The following BACH2 variants were observed in gnomAD, a reference collection of about 807,000 sequenced individuals.
The protein encoded by BACH2 is transcription regulator protein BACH2.
In BACH2, 5 loss-of-function variants were observed where a neutral mutation model predicts 61.8. The observed-to-expected ratio is 0.08, with a 90% CI of 0.04 to 0.17. The LOEUF is 0.17. Among genes scored for constraint, BACH2 ranks in the 10% least tolerant of loss-of-function variants. The pLI is 1.00. For missense variants in BACH2, 824 were observed against 1,091.1 expected (o/e 0.76, Z 3.45); for synonymous variants, 446 against 440.1 (o/e 1.01, Z -0.17).
At chr6:89,947,922 A>G (rs1025455573) in intron 7 of BACH2, among the ~76,000 whole-genome samples, 1 of 152,102 alleles carries the variant, frequency 6.6e-6, no homozygotes, top group Non-Finnish European at 1.5e-5. Flanking sequence ...AAGTAGCGGT[A>G]TTTCTCAAGG....
At chr6:90,188,731 C>T (rs1404392909) in intron 4 of BACH2, among the ~76,000 whole-genome samples, 1 of 128,544 alleles carries the variant, frequency 7.8e-6, no homozygotes, top group Non-Finnish European at 1.6e-5. Flanking sequence ...TACTACCAAT[C>T]TAGTAATAAG....
At chr6:89,957,319 A>G (rs1459287744) in intron 6 of BACH2, among the ~76,000 whole-genome samples, 1 of 152,252 alleles carries the variant, frequency 6.6e-6, no homozygotes, top group African/African-American at 2.4e-5. Context: ...GCAGCATGCT[A>G]GACATTTAGA....
At chr6:90,193,330 G>T (rs1199742347) in intron 4 of BACH2, among the ~76,000 whole-genome samples, 1 of 152,082 alleles carries the variant, frequency 6.6e-6, no homozygotes, top group Admixed American at 6.5e-5. Context: ...CAATATGACT[G>T]GTGTCCTTAT....
chr6:90,244,580 C>T (rs559565577), intron 3 of BACH2, among the ~76,000 whole-genome samples: 1 of 152,322 alleles, frequency 6.6e-6, no homozygotes, highest in East Asian at 1.9e-4. Flanking sequence ...TATTGCTCAC[C>T]TGACAGCAAC....
intron 3 of BACH2, among the ~76,000 whole-genome samples, chr6:90,229,198 C>G (rs983105919): frequency 2.0e-5 from 3 of 152,214 alleles, no homozygotes; most frequent in African/African-American, 7.2e-5. Flanking sequence ...GTGGCTCACG[C>G]CTGTAATCCT....
chr6:89,964,207 T>TAAAAAA (rs61668401), intron 6 of BACH2, among the ~76,000 whole-genome samples: 1 of 113,930 alleles, frequency 8.8e-6, no homozygotes. Flanking sequence ...AAAGTATAAT[T>TAAAAAA]AAAAAAAAAA....
At chr6:90,066,975 G>A (rs548652329) in intron 5 of BACH2, among the ~76,000 whole-genome samples, 5 of 152,342 alleles carry the variant, frequency 3.3e-5, no homozygotes, top group Middle Eastern at 3.4e-3. Context: ...TAGAAAGGAT[G>A]GGTGACGTGC....
At chr6:89,944,012 T>C (rs907615267) in intron 7 of BACH2, among the ~76,000 whole-genome samples, 4 of 152,242 alleles carry the variant, frequency 2.6e-5, no homozygotes, top group African/African-American at 9.6e-5. Flanking sequence ...GCTGGGCAGA[T>C]GGCAATGACA....
At chr6:90,012,045 C>T (rs150129305) in intron 5 of BACH2, among the ~76,000 whole-genome samples, 1,711 of 151,740 alleles carry the variant, frequency 0.011, 25 homozygotes, top group Middle Eastern at 0.031. Context: ...ATCCTCCTAC[C>T]TCAGCCTCCT....
intron 4 of BACH2, among the ~76,000 whole-genome samples, chr6:90,145,957 A>G (rs1341852630): frequency 6.6e-6 from 1 of 152,232 alleles, no homozygotes; most frequent in Non-Finnish European, 1.5e-5. Context: ...ACCACACTTT[A>G]TATTTTCAAC....
rs1770844038 is a variant in BACH2 at position 90,252,503 on chromosome 6, T to C, written c.-275+10A>G. The stretch of plus-strand genomic sequence containing the variant: ...TTTTTTTAGTCTCTTTCCTTAAAAG[T>C]AAAACTTACAATGATCAGAAAGCAT... On this transcript the variant is annotated intron_variant, in intron 3 of 8. Coordinates refer to ENST00000257749, the MANE Select transcript of BACH2 (RefSeq NM_021813.4). 1 of 152,208 alleles carries C rather than the reference T, an allele frequency of 6.6e-6. No individual in the cohort carries two copies. The highest frequency in any genetic ancestry group is 1.9e-4 in the East Asian group (1 of 5,196). 9.4% of individuals were successfully genotyped at this position (152,208 alleles called of 1,614,324 possible).
intron 3 of BACH2, among the ~76,000 whole-genome samples, chr6:90,220,564 C>A (rs1769704759): frequency 6.6e-6 from 1 of 152,158 alleles, no homozygotes; most frequent in Non-Finnish European, 1.5e-5. Context: ...GTCCTCATTT[C>A]CATGATCTGA....
intron 1 of BACH2, among the ~76,000 whole-genome samples, chr6:90,284,150 C>A (rs1771945022): frequency 6.6e-6 from 1 of 152,188 alleles, no homozygotes; most frequent in African/African-American, 2.4e-5. Context: ...GATAAGACCA[C>A]TGTGATACGA....
chr6:90,161,849 G>T (rs1378287529), intron 4 of BACH2, among the ~76,000 whole-genome samples: 1 of 152,208 alleles, frequency 6.6e-6, no homozygotes, highest in East Asian at 1.9e-4. Flanking sequence ...CATTCAAATA[G>T]ACAATGGTAC....
chr6:90,130,639 C>T (rs1784046570), intron 4 of BACH2, among the ~76,000 whole-genome samples: 1 of 152,214 alleles, frequency 6.6e-6, no homozygotes, highest in South Asian at 2.1e-4. Context: ...CTATCTACCT[C>T]CAGTGGTTTC....
At chr6:89,966,478 G>T (rs1267731992) in intron 6 of BACH2, among the ~76,000 whole-genome samples, 1 of 152,190 alleles carries the variant, frequency 6.6e-6, no homozygotes, top group African/African-American at 2.4e-5. Flanking sequence ...GAAGCTACAG[G>T]ACTCTCAGAT....
intron 3 of BACH2, among the ~76,000 whole-genome samples, chr6:90,235,112 C>T (rs17585295): frequency 0.27 from 40,622 of 152,038 alleles, 6,212 homozygotes; most frequent in Non-Finnish European, 0.35. Context: ...GACCTTTTTT[C>T]GGCTGCAAGC....
At chr6:90,013,767 G>A (rs555795305) in intron 5 of BACH2, among the ~76,000 whole-genome samples, 12 of 151,786 alleles carry the variant, frequency 7.9e-5, no homozygotes, top group Non-Finnish European at 1.6e-4. Flanking sequence ...CTTGGCCTCT[G>A]AAAGTGCTGG....
chr6:90,018,224 C>T (rs1488652640), intron 5 of BACH2, among the ~76,000 whole-genome samples: 1 of 152,220 alleles, frequency 6.6e-6, no homozygotes, highest in East Asian at 1.9e-4. Context: ...CAGTACTCTG[C>T]AGAATATTAA....
Sources: gnomAD v4.1 joint callset for allele counts (sites outside exome capture counted in the v4.1 genomes callset) on GRCh38, gnomAD v4.1.1 for gene constraint, MANE v1.5 for transcripts, NCBI Gene and HGNC (gene_info 2026-07-23, HGNC 2026-07-21) for gene names.